Variants in DSCAML1 observed in about 807,000 individuals in gnomAD.
DSCAML1 encodes cell adhesion molecule DSCAML1.
Under a neutral mutation model 200.5 loss-of-function variants are expected in DSCAML1, and 38 were observed. The ratio of observed to expected loss-of-function variants is 0.19; its 90% confidence interval spans 0.15 to 0.25. DSCAML1 has a LOEUF of 0.25. Among genes scored for constraint, DSCAML1 ranks in the 10% least tolerant of loss-of-function variants. The pLI, the probability that DSCAML1 is intolerant of heterozygous loss-of-function variation, is 1.00. For synonymous variants in DSCAML1, 1,215 were observed against 1,165.0 expected (o/e 1.04, Z -0.87); for missense variants, 2,223 against 2,858.8 (o/e 0.78, Z 5.07).
intron 3 of DSCAML1, among the ~76,000 whole-genome samples, chr11:117,546,320 G>A (rs1180592363): frequency 6.6e-6 from 1 of 152,230 alleles, no homozygotes; most frequent in Admixed American, 6.5e-5. Context: ...GTGAGCCACT[G>A]AATCTCTCTG....
intron 20 of DSCAML1, among the ~76,000 whole-genome samples, chr11:117,444,455 G>A (rs1048844246): frequency 3.3e-5 from 5 of 152,142 alleles, no homozygotes; most frequent in African/African-American, 7.2e-5. Context: ...GAGGGTTGGA[G>A]ACAGGCTCCT....
chr11:117,550,821 C>T (rs910963772), intron 3 of DSCAML1, among the ~76,000 whole-genome samples: 2 of 152,244 alleles, frequency 1.3e-5, no homozygotes, highest in African/African-American at 4.8e-5. Context: ...TTAGATTTAG[C>T]TCCAGCCTCA....
intron 1 of DSCAML1, among the ~76,000 whole-genome samples, chr11:117,814,462 C>T (rs561395520): frequency 3.3e-5 from 5 of 152,352 alleles, no homozygotes; most frequent in African/African-American, 1.2e-4. Flanking sequence ...CCTACCCTGA[C>T]CCCACAACTT....
chr11:117,505,488 G>A lies in DSCAML1; in HGVS notation c.2028C>T (p.Ala676=). The change falls in exon 9 of 33, where the codon GCC becomes GCT. Residue 676 remains alanine (A), a synonymous_variant. Transcript: ENST00000651296. The surrounding 1 kb of genome is among the most constrained non-coding windows in gnomAD (Gnocchi z 6.7). The part of the protein sequence containing the change: ...NYTCIASNAA[A]TVSRERQLIV... ...TGAGCTGGCGCTCCCGGCTCACGGT[G>A]GCGGCTGCGTTGCTGGCGATGCATG... 1 of 1,612,532 alleles carries A rather than the reference G, an allele frequency of 6.2e-7. No homozygotes were observed. The highest frequency in any genetic ancestry group is 1.3e-5 in the African/African-American group (1 of 75,052).
chr11:117,730,776 A>G (rs1036632138), intron 3 of DSCAML1, among the ~76,000 whole-genome samples: 1 of 152,210 alleles, frequency 6.6e-6, no homozygotes, highest in Non-Finnish European at 1.5e-5. Context: ...AGCATTTTTC[A>G]TTATAGCCCA....
At chr11:117,652,806 T>C (rs554809236) in intron 3 of DSCAML1, among the ~76,000 whole-genome samples, 1 of 152,272 alleles carries the variant, frequency 6.6e-6, no homozygotes, top group East Asian at 1.9e-4. Context: ...CTCAGCCCCA[T>C]AAAAGGCATT....
At chr11:117,809,394 G>A (rs1338703072) in intron 1 of DSCAML1, among the ~76,000 whole-genome samples, 1 of 152,210 alleles carries the variant, frequency 6.6e-6, no homozygotes, top group Non-Finnish European at 1.5e-5. Context: ...AGGACAACCC[G>A]CCTCCCTGGC....
In DSCAML1 at chr11:117,504,883, C is replaced by A. The variant is rs371148311; in HGVS notation, c.2182+41G>T. ...CCACAGAGCATCCTCCGTTCCCCGT[C>A]CCTGCCCTTCTTGGAGATTCTGGCT... On this transcript the variant is annotated intron_variant, in intron 10 of 32. Transcript: ENST00000651296. The surrounding 1 kb of genome is among the most constrained non-coding windows in gnomAD (Gnocchi z 5.0). 1.3e-6 allele frequency: 2 copies of A among 1,577,638 alleles called. No individual in the cohort carries two copies. The highest frequency in any genetic ancestry group is 4.5e-5 in the East Asian group (2 of 44,144).
At chr11:117,600,121 A>C (rs928731229) in intron 3 of DSCAML1, among the ~76,000 whole-genome samples, 1 of 152,220 alleles carries the variant, frequency 6.6e-6, no homozygotes, top group African/African-American at 2.4e-5. Flanking sequence ...TCATGTAAAC[A>C]CATGTAGAAA....
intron 3 of DSCAML1, among the ~76,000 whole-genome samples, chr11:117,563,374 TC>T (rs946824944): frequency 6.6e-5 from 10 of 152,130 alleles, no homozygotes; most frequent in Admixed American, 2.0e-4. Flanking sequence ...TCCCCAGCTC[TC>T]CAGGCTTGCT....
intron 3 of DSCAML1, among the ~76,000 whole-genome samples, chr11:117,572,879 A>C (rs1327055014): frequency 1.3e-5 from 2 of 152,302 alleles, no homozygotes; most frequent in East Asian, 3.9e-4. Flanking sequence ...GCTCTCTCAG[A>C]ATGTGGGGTC....
chr11:117,524,907 G>A lies in DSCAML1; in HGVS notation c.835C>T (p.Leu279=), dbSNP rs1407625726. 3 of 1,613,558 alleles carry A rather than the reference G, an allele frequency of 1.9e-6. No homozygotes were observed. The highest frequency in any genetic ancestry group is 2.5e-6 in the Non-Finnish European group (3 of 1,179,856). ...DSRWTKRITG[L]TISDLRTEDS... ...TCGGTCCGCAAGTCGCTGATGGTCA[G>A]CCCTGTGATGCGCTTGGTCCAGCGG... The change falls in exon 5 of 33, where the codon CTG becomes TTG. Residue 279 remains leucine (L), a synonymous_variant. Coordinates refer to ENST00000651296, the MANE Select transcript of DSCAML1 (RefSeq NM_020693.4).
At chr11:117,695,315 CTTTTTTTTTTT>C (rs753748981) in intron 3 of DSCAML1, among the ~76,000 whole-genome samples, 2 of 116,700 alleles carry the variant, frequency 1.7e-5, no homozygotes, top group Non-Finnish European at 3.6e-5. Flanking sequence ...CTTTCTTTTT[CTTTTTTTTTTT>C]TTTTTTTTGC....
intron 3 of DSCAML1, among the ~76,000 whole-genome samples, chr11:117,745,446 G>C (rs1591465344): frequency 6.6e-6 from 1 of 152,160 alleles, no homozygotes; most frequent in Non-Finnish European, 1.5e-5. Flanking sequence ...TGGGGCGGGG[G>C]ACAGGGATGG....
chr11:117,463,792 C>T lies in DSCAML1; in HGVS notation c.3265+1150G>A, dbSNP rs902187132. On this transcript the variant is annotated intron_variant, in intron 17 of 32. Coordinates refer to ENST00000651296, the MANE Select transcript of DSCAML1 (RefSeq NM_020693.4). The surrounding 1 kb of genome is among the most constrained non-coding windows in gnomAD (Gnocchi z 4.0). ...TTCTCAGGTGCTCAGTGCTCTGGGG[C>T]TATTGAAGTCGGCCCCATCTTAAAG... is the stretch of plus-strand genomic sequence containing the variant. 9.2e-5 allele frequency among the ~76,000 whole-genome samples: 14 copies of T among 152,158 alleles called. No homozygotes were observed. The highest frequency in any genetic ancestry group is 3.9e-4 in the Admixed American group (6 of 15,286).
chr11:117,644,657 G>C (rs893170059), intron 3 of DSCAML1, among the ~76,000 whole-genome samples: 1 of 152,224 alleles, frequency 6.6e-6, no homozygotes, highest in Non-Finnish European at 1.5e-5. Flanking sequence ...AGAAGCCGAG[G>C]GGGAGCCGCG....
chr11:117,529,482 T>G (rs1440156537), intron 4 of DSCAML1, among the ~76,000 whole-genome samples: 1 of 152,168 alleles, frequency 6.6e-6, no homozygotes, highest in African/African-American at 2.4e-5. Context: ...GGAACATTAT[T>G]TTATGCCAGG....
chr11:117,466,157 C>T (rs567520782), intron 16 of DSCAML1, among the ~76,000 whole-genome samples: 1 of 152,182 alleles, frequency 6.6e-6, no homozygotes, highest in Middle Eastern at 3.2e-3. Context: ...ATGTTCAAAG[C>T]AGCATTATTC....
chr11:117,645,866 A>G (rs1181858698), intron 3 of DSCAML1, among the ~76,000 whole-genome samples: 3 of 151,966 alleles, frequency 2.0e-5, no homozygotes, highest in Non-Finnish European at 4.4e-5. Flanking sequence ...TAACCTGTAC[A>G]TTGTGCACAT....
Sources: allele counts gnomAD v4.1 joint callset (sites outside exome capture counted in the v4.1 genomes callset), GRCh38; gene constraint gnomAD v4.1.1; non-coding constraint Gnocchi (gnomAD v3.1); transcripts MANE v1.5; gene names NCBI Gene and HGNC (gene_info 2026-07-23, HGNC 2026-07-21).